Variants in DHRS9 observed in about 807,000 individuals in gnomAD.
The protein encoded by DHRS9 is dehydrogenase/reductase 9.
Under a neutral mutation model 26.6 loss-of-function variants are expected in DHRS9, and 18 were observed. The observed-to-expected ratio is 0.68, with a 90% confidence interval of 0.47 to 1.00. DHRS9 has a LOEUF of 1.00. Ranked by LOEUF, DHRS9 falls within the 50% of genes least tolerant of loss-of-function variation. The probability of loss-of-function intolerance (pLI) is 0.00; values close to 1 mark genes in which losing one functional copy is unlikely to be tolerated. For synonymous variants in DHRS9, 134 were observed against 141.1 expected (o/e 0.95, Z 0.36); for missense variants, 425 against 378.7 (o/e 1.12, Z -1.01).
Position 169,070,681 on chromosome 2 carries a change from T to A in DHRS9, c.-60+964T>A, listed in dbSNP as rs186934626. The A allele has an allele frequency of 9.5e-4, 933 of 984,166 alleles. 10 individuals carry two copies. In the African/African-American group the frequency reaches 0.015, roughly 16 times the overall value. The allele number at this position is 984,166 out of a possible 1,614,324, so 61.0% of individuals were successfully genotyped here. A position where few individuals can be genotyped will look rare whatever the true frequency, so the allele number is the denominator to read the frequency against. On this transcript the variant is annotated intron_variant, in intron 1 of 4. Transcript: ENST00000674881. ...CAATGTTTAAGTACACACAAAAAAA[T>A]CATTAACTCATATATTTCAAGAGTA...
intron 4 of DHRS9, among the ~76,000 whole-genome samples, chr2:169,092,843 A>G (rs1307930744): frequency 6.6e-6 from 1 of 152,160 alleles, no homozygotes; most frequent in Non-Finnish European, 1.5e-5. Context: ...TTACAGGGAC[A>G]CTCATTTAAA....
At chr2:169,092,028 T>A in intron 4 of DHRS9, 75 bp downstream of exon 4, 1 of 1,494,992 alleles carries the variant, frequency 6.7e-7, no homozygotes, top group East Asian at 2.3e-5. Flanking sequence ...CAAATACAGA[T>A]GAAATAACAA....
At chr2:169,085,775 G>A (rs1684330655) in intron 3 of DHRS9, among the ~76,000 whole-genome samples, 1 of 152,122 alleles carries the variant, frequency 6.6e-6, no homozygotes, top group Admixed American at 6.5e-5. Flanking sequence ...TGTGTGTGGA[G>A]TCTTTAGGTT....
chr2:169,085,538 G>C (rs780381658), intron 3 of DHRS9, among the ~76,000 whole-genome samples: 2 of 151,900 alleles, frequency 1.3e-5, no homozygotes, highest in Non-Finnish European at 2.9e-5. Flanking sequence ...ATTGCAGAGA[G>C]CTCTCATTTC....
chr2:169,083,013 T>C (rs1220115450), intron 2 of DHRS9, among the ~76,000 whole-genome samples: 2 of 152,190 alleles, frequency 1.3e-5, no homozygotes, highest in South Asian at 2.1e-4. Flanking sequence ...ACATGTACCC[T>C]AAAACTTAAA....
At chr2:169,094,719 G>C (rs1684640059) in intron 4 of DHRS9, among the ~76,000 whole-genome samples, 1 of 151,708 alleles carries the variant, frequency 6.6e-6, no homozygotes, top group South Asian at 2.1e-4. Context: ...CTATGTTTAA[G>C]TCTTCAATCC....
chr2:169,068,481 T>A (rs570949136), upstream of DHRS9, among the ~76,000 whole-genome samples: 1 of 152,284 alleles, frequency 6.6e-6, no homozygotes, highest in South Asian at 2.1e-4. Context: ...CCCACCACCA[T>A]GCCTGGCTAA....
upstream of DHRS9, chr2:169,069,357 C>A: frequency 1.1e-6 from 1 of 925,516 alleles, no homozygotes; most frequent in Non-Finnish European, 1.3e-6. Flanking sequence ...AGAGATTGTA[C>A]TAATCATAAA....
chr2:169,069,888 C>CT (rs1402476271), intron 1 of DHRS9, among the ~76,000 whole-genome samples, 171 bp downstream of exon 1: 1 of 152,204 alleles, frequency 6.6e-6, no homozygotes, highest in African/African-American at 2.4e-5. Flanking sequence ...CTGGGTCCAT[C>CT]TCACCATAGA....
intron 4 of DHRS9, among the ~76,000 whole-genome samples, chr2:169,092,411 C>A (rs761072582): frequency 2.0e-5 from 3 of 152,206 alleles, no homozygotes; most frequent in Non-Finnish European, 2.9e-5. Flanking sequence ...AAGGTTCAGC[C>A]TCTGACCTTT....
intron 3 of DHRS9, among the ~76,000 whole-genome samples, chr2:169,084,808 T>C (rs1314794263): frequency 6.6e-6 from 1 of 152,204 alleles, no homozygotes; most frequent in Non-Finnish European, 1.5e-5. Flanking sequence ...GATTGTTTCC[T>C]TTGCTGTGCA....
chr2:169,068,759 A>G (rs1420370844), upstream of DHRS9, among the ~76,000 whole-genome samples: 1 of 152,232 alleles, frequency 6.6e-6, no homozygotes, highest in Non-Finnish European at 1.5e-5. Context: ...TCAGAAGAGT[A>G]TAGCAACAAA....
intron 3 of DHRS9, among the ~76,000 whole-genome samples, chr2:169,091,296 TAA>T (rs1684517834): frequency 1.5e-5 from 2 of 130,822 alleles, no homozygotes; most frequent in Admixed American, 1.5e-4. Context: ...TAAAATAAAA[TAA>T]AACTTGCTCA....
At chr2:169,078,815 C>CTTTTTTTTTTTTTTTTTTTTTTTT (rs200691133) in intron 1 of DHRS9, among the ~76,000 whole-genome samples, 14 of 110,360 alleles carry the variant, frequency 1.3e-4, no homozygotes, top group Non-Finnish European at 2.4e-4. Flanking sequence ...TATCAACTGA[C>CTTTTTTTTTTTTTTTTTTTTTTTT]TTTTTTTTTT....
Position 169,095,705 on chromosome 2 carries a change from G to T in DHRS9, c.898G>T (p.Ala300Ser). The change falls in exon 5 of 5, where the codon GCT becomes TCT. Residue 300 changes from alanine (A) to serine (S), a missense_variant. Physicochemically the swap from Ala to Ser is moderately conservative, Grantham distance 99 (BLOSUM62 1). Transcript: ENST00000674881. The stretch of plus-strand genomic sequence containing the variant: ...GATACCTCTGTCTCACATGCCAGCA[G>T]CTTTGCAAGACTTTTTATTGTTGAA... ...FWIPLSHMPA[A>S]LQDFLLLKQK... The T allele has an allele frequency of 1.9e-6, 3 of 1,613,964 alleles. No individual in the cohort carries two copies. In the African/African-American group the frequency reaches 4.0e-5, roughly 22 times the overall value.
At chr2:169,082,387 T>A (rs1382160905) in intron 2 of DHRS9, among the ~76,000 whole-genome samples, 2 of 152,208 alleles carry the variant, frequency 1.3e-5, no homozygotes, top group Non-Finnish European at 2.9e-5. Context: ...GGTAGAGTAG[T>A]GAGCCTTTGG....
intron 2 of DHRS9, 86 bp from the exon 3 acceptor site, chr2:169,083,243 T>C: frequency 1.8e-5 from 27 of 1,498,052 alleles, no homozygotes; most frequent in Non-Finnish European, 2.2e-5. Flanking sequence ...AATGGCACCA[T>C]TGTGCAAAGC....
chr2:169,072,672 A>G, intron 1 of DHRS9: 1 of 985,162 alleles, frequency 1.0e-6, no homozygotes, highest in Non-Finnish European at 1.2e-6. Context: ...AGTTACTATA[A>G]AGCATTGTGC....
intron 3 of DHRS9, among the ~76,000 whole-genome samples, chr2:169,084,857 T>C (rs543118427): frequency 6.6e-6 from 1 of 152,326 alleles, no homozygotes; most frequent in Admixed American, 6.5e-5. Context: ...TTGTCCATTT[T>C]TGCTTTAGTT....
Sources: allele counts gnomAD v4.1 joint callset (sites outside exome capture counted in the v4.1 genomes callset), GRCh38; gene constraint gnomAD v4.1.1; transcripts MANE v1.5; gene names NCBI Gene and HGNC (gene_info 2026-07-23, HGNC 2026-07-21).